Variants in PIP5K1B observed in about 807,000 individuals in gnomAD.
PIP5K1B encodes the protein phosphatidylinositol 4-phosphate 5-kinase type-1 beta.
PIP5K1B carries 42 observed loss-of-function variants against 67.0 expected under a neutral mutation model. The observed-to-expected ratio is 0.63, with a 90% CI of 0.49 to 0.81. The LOEUF is 0.81. Among genes scored for constraint, PIP5K1B ranks in the 30% least tolerant of loss-of-function variants. The probability of loss-of-function intolerance (pLI) is 0.00; values close to 1 mark genes in which losing one functional copy is unlikely to be tolerated. For missense variants in PIP5K1B, 459 were observed against 646.3 expected (o/e 0.71, Z 3.14); for synonymous variants, 214 against 231.4 (o/e 0.92, Z 0.68).
chr9:68,885,986 C>G (rs1322473213), intron 6 of PIP5K1B, among the ~76,000 whole-genome samples: 1 of 152,154 alleles, frequency 6.6e-6, no homozygotes, highest in Non-Finnish European at 1.5e-5. Flanking sequence ...TCGAGACCAT[C>G]CTAGCTAATG....
intron 2 of PIP5K1B, chr9:68,788,896 G>A (rs73646761): frequency 0.036 from 9,522 of 261,064 alleles, 383 homozygotes; most frequent in African/African-American, 0.12. Context: ...GAGAGCAGGC[G>A]GAAATTTCCA....
At chr9:68,906,721 G>C (rs1825629725) in intron 8 of PIP5K1B, among the ~76,000 whole-genome samples, 1 of 152,084 alleles carries the variant, frequency 6.6e-6, no homozygotes, top group Non-Finnish European at 1.5e-5. Flanking sequence ...TCCACACAAA[G>C]ACCTCATTTG....
At chr9:68,971,903 T>G (rs1339099559) in intron 14 of PIP5K1B, among the ~76,000 whole-genome samples, 4 of 152,256 alleles carry the variant, frequency 2.6e-5, no homozygotes, top group African/African-American at 4.8e-5. Flanking sequence ...GTTAGATGGA[T>G]AGATTGCAAA....
chr9:68,755,982 C>A (rs1181580069), intron 2 of PIP5K1B, among the ~76,000 whole-genome samples: 1 of 152,212 alleles, frequency 6.6e-6, no homozygotes, highest in East Asian at 1.9e-4. Flanking sequence ...CCTCTGAAAG[C>A]TGGCCCTACT....
intron 15 of PIP5K1B, among the ~76,000 whole-genome samples, chr9:68,994,522 G>A (rs1234783648): frequency 6.6e-6 from 1 of 152,098 alleles, no homozygotes; most frequent in African/African-American, 2.4e-5. Flanking sequence ...TCTCACATCT[G>A]TTTCTGTATC....
chr9:68,889,195 T>C (rs1442928802), intron 7 of PIP5K1B, 62 bp downstream of exon 7: 3 of 1,324,634 alleles, frequency 2.3e-6, no homozygotes, highest in Admixed American at 2.0e-5. Flanking sequence ...TCAACAGTTT[T>C]TTTCTGTTGT....
At chr9:68,813,586 C>T (rs1324153260) in intron 2 of PIP5K1B, among the ~76,000 whole-genome samples, 1 of 152,176 alleles carries the variant, frequency 6.6e-6, no homozygotes, top group Non-Finnish European at 1.5e-5. Flanking sequence ...TTTTCAGTAC[C>T]TGTGCATGTG....
rs75760882 is a variant in PIP5K1B at position 68,934,065 on chromosome 9, C to A, written c.1202-825C>A. ...AAGAGGCCTCAACTTCCCTCTCCCC[C>A]TCCCTCCAAGGAAATTCTCAAGCAA... On this transcript the variant is annotated intron_variant, in intron 12 of 15. Coordinates refer to ENST00000265382, the MANE Select transcript of PIP5K1B (RefSeq NM_003558.4). Among the ~76,000 whole-genome samples the A allele has an allele frequency of 2.6e-5, 4 of 152,308 alleles. No individual in the cohort carries two copies. The South Asian group carries it at 8.3e-4, about 32-fold the overall frequency.
intron 2 of PIP5K1B, among the ~76,000 whole-genome samples, chr9:68,756,155 A>G (rs1829913888): frequency 6.6e-6 from 1 of 152,126 alleles, no homozygotes; most frequent in Admixed American, 6.6e-5. Flanking sequence ...GCCATGTGTT[A>G]TTTTATGTAA....
chr9:68,727,046 T>C (rs750480518), intron 1 of PIP5K1B, among the ~76,000 whole-genome samples: 4 of 152,124 alleles, frequency 2.6e-5, no homozygotes, highest in Non-Finnish European at 2.9e-5. Flanking sequence ...ATGAAGATAG[T>C]TTTACCTCAG....
chr9:68,807,442 G>T (rs1324495541), intron 2 of PIP5K1B, among the ~76,000 whole-genome samples: 1 of 152,140 alleles, frequency 6.6e-6, no homozygotes, highest in African/African-American at 2.4e-5. Context: ...TGCAATGATT[G>T]TATTTATTTA....
intron 1 of PIP5K1B, among the ~76,000 whole-genome samples, chr9:68,708,850 C>G (rs970924927): frequency 6.6e-6 from 1 of 152,094 alleles, no homozygotes; most frequent in Non-Finnish European, 1.5e-5. Flanking sequence ...ATATAGTGAT[C>G]TTAAATATTA....
intron 4 of PIP5K1B, among the ~76,000 whole-genome samples, chr9:68,834,430 A>T (rs2027024): frequency 0.8 from 121,607 of 152,088 alleles, 48,656 homozygotes; most frequent in Admixed American, 0.85. Flanking sequence ...CCCTGTTATG[A>T]CACAGGTGAC....
chr9:68,924,071 G>A (rs1203834356), intron 12 of PIP5K1B, among the ~76,000 whole-genome samples: 1 of 149,410 alleles, frequency 6.7e-6, no homozygotes, highest in African/African-American at 2.5e-5. Context: ...TGTGAAGGCA[G>A]TGCTCTGAGG....
chr9:68,767,359 C>T (rs928712468), intron 2 of PIP5K1B, among the ~76,000 whole-genome samples: 3 of 151,980 alleles, frequency 2.0e-5, no homozygotes, highest in Non-Finnish European at 2.9e-5. Flanking sequence ...TTTGGGAGGC[C>T]GAGGCGGGTG....
In PIP5K1B at chr9:68,829,067, A is replaced by C. The variant is rs1476286697; in HGVS notation, c.69+6384A>C. On this transcript the variant is annotated intron_variant, in intron 4 of 15. Transcript: ENST00000265382. ...CAGTGAGCCGAGATCACGCCACTGCACTCCAGCCTGGGCGACAGAGCAAGA... is the reference window on the plus strand; with the variant it reads ...CAGTGAGCCGAGATCACGCCACTGCCCTCCAGCCTGGGCGACAGAGCAAGA... Among the ~76,000 whole-genome samples, 11 of 152,244 alleles carry C rather than the reference A, an allele frequency of 7.2e-5. No individual in the cohort carries two copies. The South Asian group carries it at 2.1e-3, about 29-fold the overall frequency.
chr9:68,721,966 C>CA (rs1827909034), intron 1 of PIP5K1B, among the ~76,000 whole-genome samples: 1 of 152,166 alleles, frequency 6.6e-6, no homozygotes, highest in African/African-American at 2.4e-5. Flanking sequence ...GTACAGCCTA[C>CA]TGTTTCGGAA....
chr9:68,885,366 G>A (rs1587614962), intron 6 of PIP5K1B, among the ~76,000 whole-genome samples: 1 of 152,164 alleles, frequency 6.6e-6, no homozygotes, highest in Admixed American at 6.5e-5. Context: ...CTGCTGGATG[G>A]AACAAATCAG....
At chr9:68,883,217 T>C (rs558823409) in intron 6 of PIP5K1B, among the ~76,000 whole-genome samples, 1 of 152,328 alleles carries the variant, frequency 6.6e-6, no homozygotes, top group East Asian at 1.9e-4. Flanking sequence ...CTCACGCCCT[T>C]TTCACAAATC....
Sources: gnomAD v4.1 joint callset for allele counts (sites outside exome capture counted in the v4.1 genomes callset) on GRCh38, gnomAD v4.1.1 for gene constraint, MANE v1.5 for transcripts, NCBI Gene and HGNC (gene_info 2026-07-23, HGNC 2026-07-21) for gene names.